COMMD1: variants seen among roughly 807,000 people sequenced by gnomAD.
COMMD1 encodes COMM domain-containing protein 1.
A neutral mutation model predicts 17.2 loss-of-function variants in COMMD1; 10 were observed. The observed-to-expected ratio is 0.58, with a 90% CI of 0.36 to 0.99. The LOEUF (loss-of-function observed/expected upper bound fraction) is 0.99. Among genes scored for constraint, COMMD1 ranks in the 50% least tolerant of loss-of-function variants. The pLI, the probability that COMMD1 is intolerant of heterozygous loss-of-function variation, is 0.01. For synonymous variants in COMMD1, 97 were observed against 91.6 expected, an observed-to-expected ratio of 1.06 and a Z score of -0.34; for missense variants, 270 against 231.8, an observed-to-expected ratio of 1.17 and a Z score of -1.07.
chr2:61,911,208 T>C (rs1669897458), intron 1 of COMMD1, among the ~76,000 whole-genome samples: 1 of 152,032 alleles, frequency 6.6e-6, no homozygotes, highest in Non-Finnish European at 1.5e-5. Flanking sequence ...GCTCAGTGGC[T>C]CACGCCTGTA....
intron 2 of COMMD1, among the ~76,000 whole-genome samples, chr2:62,105,473 T>G (rs767645806): frequency 6.6e-6 from 1 of 152,102 alleles, no homozygotes; most frequent in African/African-American, 2.4e-5. Context: ...GAACATCAGA[T>G]CTCTGAAACT....
At chr2:62,020,565 C>G (rs1413183423) in intron 2 of COMMD1, among the ~76,000 whole-genome samples, 1 of 152,210 alleles carries the variant, frequency 6.6e-6, no homozygotes, top group Admixed American at 6.5e-5. Flanking sequence ...ATATAACTTT[C>G]TTCAAAACCT....
At chr2:62,121,135 C>T (rs1006891541) in intron 2 of COMMD1, among the ~76,000 whole-genome samples, 20 of 151,896 alleles carry the variant, frequency 1.3e-4, no homozygotes, top group South Asian at 4.2e-4. Flanking sequence ...TTTGGGAGGC[C>T]GAGGCAGGCA....
rs372311818 is a variant in COMMD1 at position 61,897,570 on chromosome 2, A to C, written n.119+8728A>C. ...TGACACCAGCCTGGCCAACATGATG[A>C]AATCCCGTCTGTACTAAAAATACAA... On this transcript the variant is annotated intron_variant and non_coding_transcript_variant, in intron 1 of 2. Transcript: ENST00000472729. Among the ~76,000 whole-genome samples the C allele has an allele frequency of 5.3e-5, 8 of 152,268 alleles. No individual in the cohort carries two copies. In the East Asian group the frequency reaches 1.4e-3, roughly 26 times the overall value.
At chr2:62,121,629 T>G (rs960089246) in intron 2 of COMMD1, among the ~76,000 whole-genome samples, 2 of 151,452 alleles carry the variant, frequency 1.3e-5, no homozygotes, top group Admixed American at 1.3e-4. Flanking sequence ...TCCCAGCTAC[T>G]TGGGAGGCTG....
chr2:62,126,018 G>T (rs561173406), intron 2 of COMMD1, among the ~76,000 whole-genome samples: 1 of 152,270 alleles, frequency 6.6e-6, no homozygotes, highest in Admixed American at 6.5e-5. Flanking sequence ...AGAACATGTG[G>T]TGTTTGGTTT....
chr2:61,925,476 G>T (rs557587531), intron 1 of COMMD1, among the ~76,000 whole-genome samples: 1 of 152,118 alleles, frequency 6.6e-6, no homozygotes, highest in African/African-American at 2.4e-5. Flanking sequence ...ACCTTGTGAC[G>T]TTTATTACAG....
At chr2:62,103,531 A>C (rs1672244464) in intron 2 of COMMD1, among the ~76,000 whole-genome samples, 1 of 152,206 alleles carries the variant, frequency 6.6e-6, no homozygotes, top group South Asian at 2.1e-4. Context: ...AGTTTATTTT[A>C]GGTGTAGACC....
Position 62,011,682 on chromosome 2 carries a change from A to G in COMMD1, c.462+10700A>G, listed in dbSNP as rs114783635. On this transcript the variant is annotated intron_variant, in intron 2 of 2. Coordinates refer to ENST00000311832, the MANE Select transcript of COMMD1 (RefSeq NM_152516.4). ...ACAATACAGACAAGTTTATTATCTT[A>G]TGGAGCTCACAGTGAAAGAAAGTTG... Among the ~76,000 whole-genome samples the G allele has an allele frequency of 8.0e-3, 1,220 of 152,284 alleles. 19 individuals are homozygous for G. Among genetic ancestry groups the G allele is most frequent in the African/African-American group, 0.028 (1,154 of 41,564 alleles).
At chr2:62,061,688 C>T (rs370143731) in intron 2 of COMMD1, among the ~76,000 whole-genome samples, 162 of 150,538 alleles carry the variant, frequency 1.1e-3, no homozygotes, top group South Asian at 5.5e-3. Context: ...CCTGAGTAGC[C>T]GGGACTACAG....
At position 62,132,992 on chromosome 2, in the gene COMMD1, C is replaced by T. The variant is rs545381190; in HGVS notation, c.463-2839C>T. Among the ~76,000 whole-genome samples, 3 of 152,306 alleles carry T rather than the reference C, an allele frequency of 2.0e-5. No individual in the cohort carries two copies. In the South Asian group the frequency reaches 6.2e-4, roughly 32 times the overall value. ...GCTTTTCTTTCCAAAAGGAGATAACCCCTCCTAGAGCTTGAACACTTAATT... is the reference window on the plus strand; with the variant it reads ...GCTTTTCTTTCCAAAAGGAGATAACTCCTCCTAGAGCTTGAACACTTAATT... On this transcript the variant is annotated intron_variant, in intron 2 of 2. Transcript: ENST00000311832.
chr2:62,113,403 A>G (rs989063672), intron 2 of COMMD1, among the ~76,000 whole-genome samples: 1 of 152,044 alleles, frequency 6.6e-6, no homozygotes, highest in African/African-American at 2.4e-5. Flanking sequence ...TGATAGAGCC[A>G]TTATGGTTTT....
At chr2:62,110,809 CAA>C (rs1480656523) in intron 2 of COMMD1, among the ~76,000 whole-genome samples, 1 of 152,032 alleles carries the variant, frequency 6.6e-6, no homozygotes, top group African/African-American at 2.4e-5. Flanking sequence ...TACAGATTAA[CAA>C]GAGAAAAACA....
intron 1 of COMMD1, among the ~76,000 whole-genome samples, chr2:61,976,520 A>T (rs929385290): frequency 2.0e-5 from 3 of 152,208 alleles, no homozygotes; most frequent in Non-Finnish European, 4.4e-5. Context: ...CTGAGGAAAA[A>T]ACTGATAGAA....
intron 2 of COMMD1, among the ~76,000 whole-genome samples, chr2:62,110,243 A>AT (rs375412648): frequency 7.7e-4 from 116 of 151,326 alleles, no homozygotes; most frequent in African/African-American, 2.4e-3. Flanking sequence ...CTAATTTTTG[A>AT]TTTTTTTTAT....
intron 2 of COMMD1, among the ~76,000 whole-genome samples, chr2:62,051,903 A>AT (rs1670546684): frequency 6.6e-6 from 1 of 152,240 alleles, no homozygotes; most frequent in Non-Finnish European, 1.5e-5. Flanking sequence ...TAGCTCATTT[A>AT]CTAAGCTGAG....
intron 1 of COMMD1, among the ~76,000 whole-genome samples, chr2:61,939,314 A>AG (rs1193799135): frequency 1.3e-5 from 2 of 151,372 alleles, no homozygotes; most frequent in Non-Finnish European, 2.9e-5. Context: ...AAAAAAAAAA[A>AG]AATTAGCTGG....
intron 2 of COMMD1, among the ~76,000 whole-genome samples, chr2:62,033,544 G>A (rs1669964574): frequency 6.6e-6 from 1 of 150,894 alleles, no homozygotes. Flanking sequence ...AGGAGTACAA[G>A]ACCAGGCTGG....
intron 1 of COMMD1, among the ~76,000 whole-genome samples, chr2:61,913,117 C>T (rs1669951435): frequency 1.3e-5 from 2 of 151,908 alleles, no homozygotes; most frequent in African/African-American, 2.4e-5. Flanking sequence ...GCCTGTAATC[C>T]CAGCACTTTG....
Sources: allele counts gnomAD v4.1 joint callset (sites outside exome capture counted in the v4.1 genomes callset), GRCh38; gene constraint gnomAD v4.1.1; transcripts MANE v1.5; gene names NCBI Gene and HGNC (gene_info 2026-07-23, HGNC 2026-07-21).